The following TMEM196 variants were observed in gnomAD, a reference collection of about 807,000 sequenced individuals.
TMEM196 encodes transmembrane protein 196.
TMEM196 carries 17 observed loss-of-function variants against 20.0 expected under a neutral mutation model. The observed-to-expected ratio is 0.85, with a 90% CI of 0.58 to 1.27. The LOEUF (loss-of-function observed/expected upper bound fraction) is 1.27. Ranked by LOEUF, TMEM196 falls within the 50% of genes most tolerant of loss-of-function variation. The pLI is 0.00. For synonymous variants in TMEM196, 113 were observed against 88.9 expected (o/e 1.27, Z -1.52); for missense variants, 267 against 223.0 (o/e 1.20, Z -1.26).
intron 1 of TMEM196, among the ~76,000 whole-genome samples, chr7:19,749,908 C>T (rs1784897948): frequency 6.6e-6 from 1 of 152,210 alleles, no homozygotes; most frequent in East Asian, 1.9e-4. Context: ...ATACTACTCT[C>T]ATTCCTTGCT....
At chr7:19,738,820 CA>C (rs1288830785) in intron 1 of TMEM196, among the ~76,000 whole-genome samples, 1 of 152,066 alleles carries the variant, frequency 6.6e-6, no homozygotes, top group African/African-American at 2.4e-5. Flanking sequence ...ATCTACTGTA[CA>C]GAAAAATTTC....
chr7:19,749,540 A>T lies in TMEM196; in HGVS notation c.148-20102T>A, dbSNP rs1291442865. On this transcript the variant is annotated intron_variant, in intron 1 of 4. Coordinates refer to ENST00000405844, the MANE Select transcript of TMEM196 (RefSeq NM_001363562.2). ...AAGTTCTGCTCTTTTTTTTAAATAAATTTTTTTGTGTATATTTAAATGTAT... is the reference window on the plus strand; with the variant it reads ...AAGTTCTGCTCTTTTTTTTAAATAATTTTTTTTGTGTATATTTAAATGTAT... Among the ~76,000 whole-genome samples the T allele has an allele frequency of 4.6e-5, 7 of 152,146 alleles. No individual in the cohort carries two copies. In the East Asian group the frequency reaches 7.7e-4, roughly 17 times the overall value.
At position 19,736,416 on chromosome 7, in the gene TMEM196, A is replaced by G. The variant is rs1344630210; in HGVS notation, c.148-6978T>C. On this transcript the variant is annotated intron_variant, in intron 1 of 4. Transcript: ENST00000405844. ...ATATATATATAAATTATCTCTGTAA[A>G]ATGGAGAAAGCTTATCAAGTTGGAA... Among the ~76,000 whole-genome samples the G allele has an allele frequency of 2.1e-5, 3 of 141,728 alleles. No individual in the cohort carries two copies. In the East Asian group the frequency reaches 5.9e-4, roughly 28 times the overall value. The allele number at this position is 141,728 out of a possible 152,430, so 93.0% of individuals were successfully genotyped here.
intron 1 of TMEM196, among the ~76,000 whole-genome samples, chr7:19,752,630 T>G (rs1317167226): frequency 6.6e-6 from 1 of 152,056 alleles, no homozygotes; most frequent in East Asian, 1.9e-4. Flanking sequence ...TCTTTCTTTT[T>G]TTGAGATGGA....
At chr7:19,722,882 A>G (rs1013330890) in intron 4 of TMEM196, among the ~76,000 whole-genome samples, 1 of 152,108 alleles carries the variant, frequency 6.6e-6, no homozygotes, top group Non-Finnish European at 1.5e-5. Flanking sequence ...ACCCTTCCCA[A>G]CACAATAAAA....
intron 1 of TMEM196, among the ~76,000 whole-genome samples, chr7:19,742,119 C>T (rs144261696): frequency 1.6e-4 from 24 of 152,190 alleles, no homozygotes; most frequent in Non-Finnish European, 3.1e-4. Flanking sequence ...GATCAGATAA[C>T]GTATGAACAG....
intron 1 of TMEM196, among the ~76,000 whole-genome samples, chr7:19,741,329 T>C (rs1347619047): frequency 6.6e-6 from 1 of 152,172 alleles, no homozygotes; most frequent in East Asian, 1.9e-4. Flanking sequence ...ATAATATTTC[T>C]AGATGACATA....
At chr7:19,747,178 C>T (rs1416955902) in intron 1 of TMEM196, among the ~76,000 whole-genome samples, 3 of 150,474 alleles carry the variant, frequency 2.0e-5, no homozygotes, top group Non-Finnish European at 1.5e-5. Context: ...TGGCGTGAAC[C>T]CGGGAGGCGG....
chr7:19,770,149 T>G (rs1331786372), intron 1 of TMEM196, among the ~76,000 whole-genome samples: 2 of 152,196 alleles, frequency 1.3e-5, no homozygotes, highest in Non-Finnish European at 2.9e-5. Context: ...ACTTCTTTCA[T>G]GGATATTTCA....
chr7:19,747,200 A>G (rs1372809164), intron 1 of TMEM196, among the ~76,000 whole-genome samples: 1 of 150,378 alleles, frequency 6.6e-6, no homozygotes. Context: ...GCTTGCAGTT[A>G]GCCGAGATCG....
intron 1 of TMEM196, among the ~76,000 whole-genome samples, chr7:19,762,109 A>G (rs553093238): frequency 6.6e-6 from 1 of 152,292 alleles, no homozygotes; most frequent in East Asian, 1.9e-4. Flanking sequence ...AATCATAACC[A>G]AACTTGTGAA....
chr7:19,740,159 C>A (rs1784537023), intron 1 of TMEM196, among the ~76,000 whole-genome samples: 1 of 152,128 alleles, frequency 6.6e-6, no homozygotes, highest in Non-Finnish European at 1.5e-5. Flanking sequence ...GCATTCTTTG[C>A]ATCTATTAAA....
chr7:19,765,540 A>G (rs1225464082), intron 1 of TMEM196, among the ~76,000 whole-genome samples: 1 of 152,162 alleles, frequency 6.6e-6, no homozygotes, highest in East Asian at 1.9e-4. Context: ...TCACTTTTCA[A>G]CAAGTATTTA....
At chr7:19,753,647 A>T (rs16872383) in intron 1 of TMEM196, among the ~76,000 whole-genome samples, 23,647 of 152,146 alleles carry the variant, frequency 0.16, 1,965 homozygotes, top group East Asian at 0.36. Context: ...CTAGGTGATT[A>T]TTCTTAAAAT....
At chr7:19,722,620 A>C (rs1002029865) in intron 4 of TMEM196, among the ~76,000 whole-genome samples, 3 of 152,146 alleles carry the variant, frequency 2.0e-5, no homozygotes, top group African/African-American at 7.2e-5. Context: ...ATGGATCACT[A>C]AAAAATCATA....
chr7:19,759,413 A>G (rs1785343328), intron 1 of TMEM196, among the ~76,000 whole-genome samples: 1 of 152,098 alleles, frequency 6.6e-6, no homozygotes, highest in Non-Finnish European at 1.5e-5. Flanking sequence ...CAGTAACTAA[A>G]AGCTTTATTT....
intron 1 of TMEM196, among the ~76,000 whole-genome samples, chr7:19,744,102 G>A (rs1490910917): frequency 1.3e-5 from 2 of 152,120 alleles, no homozygotes; most frequent in Non-Finnish European, 2.9e-5. Context: ...AAGACCCAGG[G>A]AAGATGCTGA....
intron 1 of TMEM196, among the ~76,000 whole-genome samples, chr7:19,750,238 C>T (rs577426503): frequency 2.6e-5 from 4 of 152,222 alleles, no homozygotes; most frequent in Admixed American, 6.5e-5. Context: ...TCTTGTCACA[C>T]ACACAAAAGA....
At chr7:19,724,040 G>T (rs1271640220) in intron 4 of TMEM196, among the ~76,000 whole-genome samples, 1 of 152,122 alleles carries the variant, frequency 6.6e-6, no homozygotes, top group Non-Finnish European at 1.5e-5. Context: ...GCAGAAATGT[G>T]TTTGGATGCT....
Sources: gnomAD v4.1 joint callset for allele counts (sites outside exome capture counted in the v4.1 genomes callset) on GRCh38, gnomAD v4.1.1 for gene constraint, MANE v1.5 for transcripts, NCBI Gene and HGNC (gene_info 2026-07-23, HGNC 2026-07-21) for gene names.